HFM1: variants seen among roughly 807,000 people sequenced by gnomAD.
HFM1 encodes the protein helicase for meiosis 1, also known as probable ATP-dependent DNA helicase HFM1.
A neutral mutation model predicts 192.1 loss-of-function variants in HFM1; 169 were observed. The ratio of observed to expected loss-of-function variants is 0.88; its 90% CI spans 0.78 to 1.00. HFM1 has a LOEUF of 1.00. Ranked by LOEUF, HFM1 falls within the 50% of genes least tolerant of loss-of-function variation. The pLI, the probability that HFM1 is intolerant of heterozygous loss-of-function variation, is 0.00. For missense variants in HFM1, 1,661 were observed against 1,668.0 expected (o/e 1.00, Z 0.07); for synonymous variants, 525 against 537.8 (o/e 0.98, Z 0.33).
At chr1:91,277,519 GT>G in intron 30 of HFM1, among the ~76,000 whole-genome samples, 1 of 142,484 alleles carries the variant, frequency 7.0e-6, no homozygotes, top group African/African-American at 2.6e-5. Flanking sequence ...GTGTGTGTGT[GT>G]GTGTGTGTAT....
At chr1:91,345,455 T>C (rs1003815245) in intron 19 of HFM1, among the ~76,000 whole-genome samples, 1 of 152,012 alleles carries the variant, frequency 6.6e-6, no homozygotes, top group Non-Finnish European at 1.5e-5. Context: ...GTGGTGAAAG[T>C]TTGTATTTTA....
At chr1:91,266,451 G>A (rs1022884582) in intron 35 of HFM1, among the ~76,000 whole-genome samples, 7 of 152,148 alleles carry the variant, frequency 4.6e-5, no homozygotes, top group South Asian at 2.1e-4. Context: ...CTTGCTTGGC[G>A]TGTGGGAAAA....
chr1:91,352,411 G>T, intron 16 of HFM1, 95 bp downstream of exon 16: 1 of 915,402 alleles, frequency 1.1e-6, no homozygotes, highest in Non-Finnish European at 1.6e-6. Flanking sequence ...TTACTTTTAA[G>T]CCTGATACAA....
Position 91,380,194 on chromosome 1 carries a change from C to T in HFM1, c.916G>A (p.Gly306Ser), listed in dbSNP as rs745644977. The change falls in exon 8 of 39, where the codon GGT becomes AGT. Residue 306 changes from glycine (G) to serine (S), a missense_variant. Physicochemically the swap from Gly to Ser is moderately conservative, Grantham distance 56. Coordinates refer to ENST00000370425, the MANE Select transcript of HFM1 (RefSeq NM_001017975.6). ...DRNFVICAPTGSGKTVVFELA... is the reference protein window; with the variant it reads ...DRNFVICAPTSSGKTVVFELA... ...TCAAACACTACAGTTTTTCCAGAACCAGTTGGAGCACAAATCACAAAATTC... is the reference window on the plus strand; with the variant it reads ...TCAAACACTACAGTTTTTCCAGAACTAGTTGGAGCACAAATCACAAAATTC... 1 of 1,577,494 alleles carries T rather than the reference C, an allele frequency of 6.3e-7. No homozygotes were observed. The highest frequency in any genetic ancestry group is 2.3e-5 in the East Asian group (1 of 43,482).
intron 21 of HFM1, among the ~76,000 whole-genome samples, chr1:91,324,216 C>T (rs759234665): frequency 2.0e-5 from 3 of 152,148 alleles, no homozygotes; most frequent in Non-Finnish European, 4.4e-5. Context: ...ATTCTATTTC[C>T]ATTGTTCTCA....
intron 30 of HFM1, among the ~76,000 whole-genome samples, chr1:91,310,999 A>G (rs894795543): frequency 2.0e-5 from 3 of 152,336 alleles, no homozygotes; most frequent in Admixed American, 6.5e-5. Flanking sequence ...AAAGGTTGGA[A>G]CAGTTTGGAG....
intron 23 of HFM1, among the ~76,000 whole-genome samples, chr1:91,321,211 G>A (rs943751589): frequency 2.0e-5 from 3 of 152,214 alleles, no homozygotes; most frequent in Non-Finnish European, 2.9e-5. Context: ...GGAGGCCGAG[G>A]CAGGTGGATC....
chr1:91,382,290 T>C (rs998563598), intron 6 of HFM1, among the ~76,000 whole-genome samples: 1 of 152,138 alleles, frequency 6.6e-6, no homozygotes, highest in East Asian at 1.9e-4. Flanking sequence ...CCTGCTCTAC[T>C]TTTTTCTTTT....
At chr1:91,369,965 C>T (rs1659936279) in intron 13 of HFM1, among the ~76,000 whole-genome samples, 1 of 152,208 alleles carries the variant, frequency 6.6e-6, no homozygotes, top group Non-Finnish European at 1.5e-5. Context: ...ATAAACACCT[C>T]TACGCAAATA....
intron 2 of HFM1, 89 bp from the exon 3 acceptor site, chr1:91,396,494 T>C (rs57752044): frequency 0.013 from 8,206 of 630,026 alleles, 357 homozygotes; most frequent in African/African-American, 0.11. Context: ...TCAATTGGAC[T>C]CTTAAACATT....
intron 34 of HFM1, among the ~76,000 whole-genome samples, chr1:91,269,097 C>G (rs1291203487): frequency 6.6e-6 from 1 of 151,956 alleles, no homozygotes; most frequent in East Asian, 1.9e-4. Context: ...AAAAAATAAG[C>G]AAAACAATAA....
intron 30 of HFM1, among the ~76,000 whole-genome samples, chr1:91,282,598 G>T (rs1032304717): frequency 1.4e-4 from 21 of 152,142 alleles, no homozygotes; most frequent in Non-Finnish European, 5.9e-5. Context: ...TAAGTAAGAT[G>T]CTCAAGACTA....
intron 30 of HFM1, among the ~76,000 whole-genome samples, chr1:91,294,818 C>T (rs993556095): frequency 6.6e-6 from 1 of 152,168 alleles, no homozygotes; most frequent in Non-Finnish European, 1.5e-5. Flanking sequence ...TTCCAAAATA[C>T]ATCTTTTGGT....
chr1:91,319,711 T>A (rs1269870915), intron 23 of HFM1, among the ~76,000 whole-genome samples: 1 of 152,198 alleles, frequency 6.6e-6, no homozygotes, highest in Non-Finnish European at 1.5e-5. Context: ...AGACTTTCAC[T>A]TAGACTGTTA....
chr1:91,279,433 C>A (rs1226588839), intron 30 of HFM1, among the ~76,000 whole-genome samples: 1 of 152,144 alleles, frequency 6.6e-6, no homozygotes, highest in Non-Finnish European at 1.5e-5. Flanking sequence ...CTCCATGATA[C>A]AATTTATTCT....
chr1:91,274,495 G>C (rs1424915590), intron 33 of HFM1, among the ~76,000 whole-genome samples: 2 of 151,986 alleles, frequency 1.3e-5, no homozygotes, highest in African/African-American at 4.8e-5. Context: ...AGGATAGGTA[G>C]TTTCCTAGGG....
chr1:91,328,655 A>T (rs2101466939), intron 20 of HFM1: 1 of 1,593,712 alleles, frequency 6.3e-7, no homozygotes, highest in Non-Finnish European at 8.6e-7. Flanking sequence ...CCACCACAGC[A>T]CAAGTCAGGC....
chr1:91,323,114 T>A lies in HFM1; in HGVS notation c.2513A>T (p.Asp838Val). The A allele has an allele frequency of 1.3e-6, 2 of 1,571,474 alleles. No homozygotes were observed. Among genetic ancestry groups the A allele is most frequent in the Non-Finnish European group, 8.7e-7 (1 of 1,148,406 alleles). The change falls in exon 22 of 39, where the codon GAT becomes GTT. Residue 838 changes from aspartate (D) to valine (V), a missense_variant. Transcript: ENST00000370425. ...EKKTLNTLNK[D>V]PNRITIRFPM... The stretch of plus-strand genomic sequence containing the variant: ...GTACCTGATAGTTATCCGATTTGGA[T>A]CTTTGTTCAAAGTATTCAGTGTTTT...
intron 13 of HFM1, among the ~76,000 whole-genome samples, chr1:91,355,933 C>T (rs537682755): frequency 2.2e-4 from 33 of 152,150 alleles, no homozygotes; most frequent in African/African-American, 6.7e-4. Flanking sequence ...CTAGAGCATA[C>T]GAAACATTCT....
Sources: gnomAD v4.1 joint callset for allele counts (sites outside exome capture counted in the v4.1 genomes callset) on GRCh38, gnomAD v4.1.1 for gene constraint, MANE v1.5 for transcripts, NCBI Gene and HGNC (gene_info 2026-07-23, HGNC 2026-07-21) for gene names.